The following LDB2 variants were observed in gnomAD, a reference collection of about 807,000 sequenced individuals.
LDB2 encodes the protein LIM domain-binding protein 2.
LDB2 carries 12 observed loss-of-function variants against 44.3 expected under a neutral mutation model. The ratio of observed to expected loss-of-function variants is 0.27; its 90% CI spans 0.17 to 0.44. The LOEUF (loss-of-function observed/expected upper bound fraction) is 0.44. LDB2 is among the 20% of genes least tolerant of loss of function. LDB2 has a pLI of 1.00. For missense variants in LDB2, 344 were observed against 473.5 expected, an observed-to-expected ratio of 0.73 and a Z score of 2.54; for synonymous variants, 164 against 174.8, an observed-to-expected ratio of 0.94 and a Z score of 0.49.
intron 5 of LDB2, among the ~76,000 whole-genome samples, chr4:16,535,959 A>T (rs1455431814): frequency 6.6e-6 from 1 of 152,192 alleles, no homozygotes; most frequent in Non-Finnish European, 1.5e-5. Flanking sequence ...ATCCTTTGTG[A>T]CTTGGGAAAG....
At chr4:16,837,410 G>T (rs1195767206) in intron 1 of LDB2, among the ~76,000 whole-genome samples, 1 of 152,108 alleles carries the variant, frequency 6.6e-6, no homozygotes, top group Non-Finnish European at 1.5e-5. Flanking sequence ...TACAGTGATG[G>T]TCACCAAAGA....
intron 5 of LDB2, among the ~76,000 whole-genome samples, chr4:16,514,635 T>A (rs1237724406): frequency 6.6e-6 from 1 of 152,036 alleles, no homozygotes; most frequent in African/African-American, 2.4e-5. Flanking sequence ...CACTTTTCTT[T>A]CATTTGTAAT....
intron 1 of LDB2, among the ~76,000 whole-genome samples, chr4:16,788,248 C>G (rs1224745255): frequency 6.6e-6 from 1 of 152,234 alleles, no homozygotes. Flanking sequence ...AGCCTCCGCT[C>G]TCCACAGGGC....
intron 3 of LDB2, among the ~76,000 whole-genome samples, chr4:16,594,604 C>A (rs539115064): frequency 6.6e-6 from 1 of 152,286 alleles, no homozygotes; most frequent in African/African-American, 2.4e-5. Context: ...GTTTCGTACA[C>A]CAGCATGGGC....
intron 2 of LDB2, among the ~76,000 whole-genome samples, chr4:16,691,307 T>G (rs1041738153): frequency 6.6e-6 from 1 of 152,168 alleles, no homozygotes; most frequent in African/African-American, 2.4e-5. Context: ...GAGCTTACCA[T>G]GTTCATGGAA....
chr4:16,801,442 G>T (rs1257803695), intron 1 of LDB2, among the ~76,000 whole-genome samples: 1 of 152,086 alleles, frequency 6.6e-6, no homozygotes, highest in Non-Finnish European at 1.5e-5. Flanking sequence ...AGTATAATAG[G>T]ACCACTTATA....
intron 2 of LDB2, among the ~76,000 whole-genome samples, chr4:16,710,143 T>C (rs1470296146): frequency 6.6e-6 from 1 of 152,172 alleles, no homozygotes; most frequent in Non-Finnish European, 1.5e-5. Context: ...TGGAGACTGA[T>C]GGGATGGGAA....
intron 1 of LDB2, among the ~76,000 whole-genome samples, chr4:16,882,544 G>A (rs775279927): frequency 3.3e-5 from 5 of 152,070 alleles, no homozygotes; most frequent in Admixed American, 3.3e-4. Context: ...CCTTCAAGGA[G>A]GTCTCCAGAG....
At chr4:16,640,682 AACTT>A (rs1179202387) in intron 2 of LDB2, among the ~76,000 whole-genome samples, 1 of 152,206 alleles carries the variant, frequency 6.6e-6, no homozygotes, top group African/African-American at 2.4e-5. Flanking sequence ...TGTATAAGGA[AACTT>A]ACTTACAAAG....
intron 2 of LDB2, among the ~76,000 whole-genome samples, chr4:16,695,573 C>G (rs1751937978): frequency 6.6e-6 from 1 of 152,130 alleles, no homozygotes; most frequent in South Asian, 2.1e-4. Flanking sequence ...AAAGCACCAT[C>G]TAATCAGAAC....
At chr4:16,597,358 A>G (rs1409627297) in intron 2 of LDB2, among the ~76,000 whole-genome samples, 3 of 152,098 alleles carry the variant, frequency 2.0e-5, no homozygotes, top group African/African-American at 7.2e-5. Context: ...TTCTACATAC[A>G]TTTTCTTAAT....
intron 3 of LDB2, among the ~76,000 whole-genome samples, chr4:16,595,360 C>T (rs796186335): frequency 3.3e-5 from 5 of 152,200 alleles, no homozygotes; most frequent in African/African-American, 4.8e-5. Context: ...GTGCTGACCA[C>T]GCGAAAATAG....
intron 5 of LDB2, among the ~76,000 whole-genome samples, chr4:16,537,465 T>C (rs1472933006): frequency 2.0e-5 from 3 of 152,358 alleles, no homozygotes; most frequent in Non-Finnish European, 4.4e-5. Context: ...AACAGTCTCA[T>C]GAGTTCTCTC....
intron 1 of LDB2, among the ~76,000 whole-genome samples, chr4:16,775,355 T>C (rs1561190761): frequency 6.6e-6 from 1 of 152,222 alleles, no homozygotes; most frequent in Admixed American, 6.5e-5. Flanking sequence ...CACACCTTGC[T>C]GCCAGAGGAC....
chr4:16,617,246 A>C (rs1727588475), intron 2 of LDB2, among the ~76,000 whole-genome samples: 1 of 152,186 alleles, frequency 6.6e-6, no homozygotes, highest in Non-Finnish European at 1.5e-5. Flanking sequence ...CACTTTATAG[A>C]AACAAACACC....
intron 2 of LDB2, among the ~76,000 whole-genome samples, chr4:16,685,397 TG>T: frequency 6.6e-6 from 1 of 152,268 alleles, no homozygotes; most frequent in South Asian, 2.1e-4. Context: ...TTTTGTTTTT[TG>T]TTTTTTTGTT....
At chr4:16,650,510 A>G (rs538741240) in intron 2 of LDB2, among the ~76,000 whole-genome samples, 2 of 152,336 alleles carry the variant, frequency 1.3e-5, no homozygotes, top group East Asian at 3.9e-4. Context: ...AGTCATTTAT[A>G]TAAGATTCCA....
At chr4:16,754,899 G>GAAGTCTCT (rs1766207494) in intron 2 of LDB2, among the ~76,000 whole-genome samples, 2 of 152,264 alleles carry the variant, frequency 1.3e-5, no homozygotes, top group South Asian at 4.1e-4. Context: ...AGCAAAGCAT[G>GAAGTCTCT]GATTAAAGCC....
intron 1 of LDB2, among the ~76,000 whole-genome samples, chr4:16,893,818 C>T (rs1258306676): frequency 6.6e-6 from 1 of 151,742 alleles, no homozygotes; most frequent in African/African-American, 2.4e-5. Context: ...ATGGTGCCAA[C>T]ATGAAGAACT....
Sources: allele counts gnomAD v4.1 joint callset (sites outside exome capture counted in the v4.1 genomes callset), GRCh38; gene constraint gnomAD v4.1.1; transcripts MANE v1.5; gene names NCBI Gene and HGNC (gene_info 2026-07-23, HGNC 2026-07-21).